PGR: variants seen among roughly 807,000 people sequenced by gnomAD.
PGR encodes progesterone receptor.
In PGR, 25 loss-of-function variants were observed where a neutral mutation model predicts 76.1. The observed-to-expected ratio is 0.33, with a 90% CI of 0.24 to 0.46. The LOEUF (loss-of-function observed/expected upper bound fraction) is 0.46. Ranked by LOEUF, PGR falls within the 20% of genes least tolerant of loss-of-function variation. The pLI is 1.00. For synonymous variants in PGR, 579 were observed against 535.0 expected, an observed-to-expected ratio of 1.08 and a Z score of -1.14; for missense variants, 1,172 against 1,225.3, an observed-to-expected ratio of 0.96 and a Z score of 0.65.
At chr11:101,075,939 A>G (rs1283999707) in intron 3 of PGR, among the ~76,000 whole-genome samples, 3 of 152,162 alleles carry the variant, frequency 2.0e-5, no homozygotes, top group Non-Finnish European at 4.4e-5. Context: ...AACCAGAAAT[A>G]CCATTTGACC....
intron 2 of PGR, among the ~76,000 whole-genome samples, chr11:101,096,338 C>T (rs1377570533): frequency 1.3e-5 from 2 of 152,106 alleles, no homozygotes; most frequent in Admixed American, 1.3e-4. Flanking sequence ...AGTGATGAGC[C>T]ATCAAAACTG....
At chr11:101,095,645 A>G (rs1861810294) in intron 2 of PGR, among the ~76,000 whole-genome samples, 1 of 152,200 alleles carries the variant, frequency 6.6e-6, no homozygotes, top group Non-Finnish European at 1.5e-5. Flanking sequence ...TGTCAATCTC[A>G]TCACTTAGTA....
chr11:101,097,566 T>C (rs1861871811), intron 2 of PGR, among the ~76,000 whole-genome samples: 1 of 152,226 alleles, frequency 6.6e-6, no homozygotes, highest in South Asian at 2.1e-4. Context: ...ACCTATTGTT[T>C]CGCTTATATT....
chr11:101,108,534 T>C (rs998859822), intron 2 of PGR, among the ~76,000 whole-genome samples: 1 of 152,180 alleles, frequency 6.6e-6, no homozygotes, highest in African/African-American at 2.4e-5. Context: ...AATAAGAGTT[T>C]TAAGTCTTTT....
chr11:101,116,652 A>G (rs2135494466), intron 2 of PGR, among the ~76,000 whole-genome samples: 1 of 151,436 alleles, frequency 6.6e-6, no homozygotes, highest in East Asian at 1.9e-4. Context: ...AGGCAGGAGA[A>G]TCACTTGAAC....
intron 3 of PGR, among the ~76,000 whole-genome samples, chr11:101,080,810 C>T (rs759553669): frequency 2.6e-5 from 4 of 152,020 alleles, no homozygotes; most frequent in African/African-American, 4.8e-5. Flanking sequence ...AATTGAAAAA[C>T]TCACTTAAAG....
At chr11:101,084,886 C>T (rs751847500) in intron 3 of PGR, among the ~76,000 whole-genome samples, 9 of 152,064 alleles carry the variant, frequency 5.9e-5, no homozygotes, top group Non-Finnish European at 1.3e-4. Flanking sequence ...AAGGGCATAA[C>T]GATAAAGAGT....
rs146452595 is a variant in PGR at position 101,080,250 on chromosome 11, T to C, written c.1906+11510A>G. Among the ~76,000 whole-genome samples the C allele has an allele frequency of 4.5e-3, 688 of 152,208 alleles. 8 individuals carry two copies. The highest frequency in any genetic ancestry group is 0.016 in the African/African-American group (660 of 41,540). On this transcript the variant is annotated intron_variant, in intron 3 of 7. Transcript: ENST00000325455. ...GGATCAAGTATATATCCAGCCACAT[T>C]GGTCACAGCCAGCTCTTACCTATAC...
chr11:101,109,219 C>T (rs1305297290), intron 2 of PGR, among the ~76,000 whole-genome samples: 3 of 152,040 alleles, frequency 2.0e-5, no homozygotes, highest in Non-Finnish European at 4.4e-5. Flanking sequence ...TCTAAATGTT[C>T]AAGTGAAAGG....
At chr11:101,059,855 A>AG (rs1333793311) in intron 4 of PGR, among the ~76,000 whole-genome samples, 2 of 137,346 alleles carry the variant, frequency 1.5e-5, no homozygotes, top group Non-Finnish European at 3.3e-5. Context: ...AAAAAAAAAA[A>AG]AAAAAAGAAA....
chr11:101,094,220 A>G (rs1861765852), intron 2 of PGR, among the ~76,000 whole-genome samples: 1 of 152,212 alleles, frequency 6.6e-6, no homozygotes, highest in African/African-American at 2.4e-5. Context: ...CGAAAACATC[A>G]TCTACATTTG....
At chr11:101,062,902 T>G in intron 3 of PGR, 150 bp from the exon 4 acceptor site, 1 of 578,180 alleles carries the variant, frequency 1.7e-6, no homozygotes, top group South Asian at 2.5e-5. Context: ...ATATTAAAAT[T>G]ACAAAAAATA....
At chr11:101,074,834 A>G (rs1861066415) in intron 3 of PGR, among the ~76,000 whole-genome samples, 1 of 152,204 alleles carries the variant, frequency 6.6e-6, no homozygotes, top group South Asian at 2.1e-4. Flanking sequence ...GAGAGGACAC[A>G]AATGGAAAAA....
intron 3 of PGR, among the ~76,000 whole-genome samples, chr11:101,084,064 T>C (rs1861409225): frequency 6.6e-6 from 1 of 152,126 alleles, no homozygotes; most frequent in Admixed American, 6.5e-5. Context: ...TATTGGATCA[T>C]GGAGGCAAAT....
At chr11:101,058,417 A>G (rs556087980) in intron 4 of PGR, among the ~76,000 whole-genome samples, 1 of 152,298 alleles carries the variant, frequency 6.6e-6, no homozygotes, top group South Asian at 2.1e-4. Context: ...ATCCTCTGTC[A>G]AGATGCAATG....
intron 4 of PGR, among the ~76,000 whole-genome samples, chr11:101,055,656 A>T (rs2135400885): frequency 6.6e-6 from 1 of 152,256 alleles, no homozygotes; most frequent in South Asian, 2.1e-4. Flanking sequence ...ACCTTTGAGT[A>T]GTTTTAAACA....
intron 3 of PGR, among the ~76,000 whole-genome samples, chr11:101,091,447 T>C (rs1861670426): frequency 6.6e-6 from 1 of 152,238 alleles, no homozygotes; most frequent in African/African-American, 2.4e-5. Flanking sequence ...ACACAGGAGA[T>C]GGGCAGCAAA....
intron 2 of PGR, among the ~76,000 whole-genome samples, chr11:101,099,621 T>G (rs2135468228): frequency 6.6e-6 from 1 of 152,274 alleles, no homozygotes; most frequent in Admixed American, 6.5e-5. Flanking sequence ...AGAATCTGTG[T>G]AGGGTCAGTC....
chr11:101,090,576 AT>A (rs1565353402), intron 3 of PGR, among the ~76,000 whole-genome samples: 1 of 152,214 alleles, frequency 6.6e-6, no homozygotes, highest in Non-Finnish European at 1.5e-5. Flanking sequence ...TGAAACAGAA[AT>A]ACAAAGAGGT....
Sources: gnomAD v4.1 joint callset for allele counts (sites outside exome capture counted in the v4.1 genomes callset) on GRCh38, gnomAD v4.1.1 for gene constraint, MANE v1.5 for transcripts, NCBI Gene and HGNC (gene_info 2026-07-23, HGNC 2026-07-21) for gene names.